The following KIAA0586 variants were observed in gnomAD, a reference collection of about 807,000 sequenced individuals.
The protein encoded by KIAA0586 is protein TALPID3.
KIAA0586 carries 144 observed loss-of-function variants against 169.8 expected under a neutral mutation model. The ratio of observed to expected loss-of-function variants is 0.85; its 90% CI spans 0.74 to 0.97. KIAA0586 has a LOEUF of 0.97. Among genes scored for constraint, KIAA0586 ranks in the 50% least tolerant of loss-of-function variants. KIAA0586 has a pLI of 0.00. For missense variants in KIAA0586, 1,854 were observed against 1,823.0 expected (o/e 1.02, Z -0.31); for synonymous variants, 625 against 612.4 (o/e 1.02, Z -0.30).
intron 22 of KIAA0586, 80 bp downstream of exon 22, chr14:58,487,246 A>T (rs2042520400): frequency 2.5e-6 from 3 of 1,186,846 alleles, no homozygotes; most frequent in Non-Finnish European, 3.5e-6. Context: ...CTTGTTGCTT[A>T]CTAGGTTTTA....
In KIAA0586 at chr14:58,442,891, C is replaced by T; in HGVS notation, c.585+11C>T. ...GCTCCGTTGATAAAGGTATATTTTT[C>T]TTCCCAGATAATCATAACTACTTTG... On this transcript the variant is annotated intron_variant, in intron 5 of 30. Transcript: ENST00000652326. 4 of 1,585,078 alleles carry T rather than the reference C, an allele frequency of 2.5e-6. No homozygotes were observed. The highest frequency in any genetic ancestry group is 3.4e-6 in the Non-Finnish European group (4 of 1,164,544).
At position 58,488,641 on chromosome 14, in the gene KIAA0586, A is replaced by G. The variant is rs1442943062; in HGVS notation, c.3548A>G (p.Asp1183Gly). 2 of 1,613,890 alleles carry G rather than the reference A, an allele frequency of 1.2e-6. No individual in the cohort carries two copies. Among genetic ancestry groups the G allele is most frequent in the African/African-American group, 2.7e-5 (2 of 75,022 alleles). Residue 1183 changes from aspartate (D) to glycine (G), a missense_variant, in exon 24 of 31, where the codon GAT becomes GGT. Transcript: ENST00000652326. Reference sequence around the variant, plus strand: ...CTTAGTGTAATGTCTGTGGCTAAGGATGAAGAACCAGAGAGTATGGATTTC... The same window carrying G: ...CTTAGTGTAATGTCTGTGGCTAAGGGTGAAGAACCAGAGAGTATGGATTTC... ...PRAIVMSVAKDEEPESMDFPA... is the reference protein window; with the variant it reads ...PRAIVMSVAKGEEPESMDFPA...
intron 8 of KIAA0586, among the ~76,000 whole-genome samples, chr14:58,452,846 T>A (rs1476221432): frequency 2.0e-5 from 3 of 148,686 alleles, no homozygotes; most frequent in African/African-American, 7.4e-5. Context: ...ATAGTTTTTA[T>A]GAGGTGTAAA....
intron 20 of KIAA0586, among the ~76,000 whole-genome samples, chr14:58,479,233 G>A (rs1003071230): frequency 6.6e-6 from 1 of 152,134 alleles, no homozygotes; most frequent in Non-Finnish European, 1.5e-5. Context: ...ATATGTGGAG[G>A]TATTTCCCTA....
intron 16 of KIAA0586, among the ~76,000 whole-genome samples, chr14:58,470,182 ATAAT>A (rs547770107): frequency 3.3e-5 from 5 of 152,232 alleles, no homozygotes; most frequent in African/African-American, 9.6e-5. Context: ...CAATTGAAAC[ATAAT>A]TAAATAATTA....
rs1017812736 is a variant in KIAA0586, at chr14:58,463,975, C to T, written c.2060-1860C>T. 1.3e-5 allele frequency: 6 copies of T among 448,404 alleles called. No homozygotes were observed. The East Asian group carries it at 3.5e-4, about 26-fold the overall frequency. 27.8% of individuals were successfully genotyped at this position (448,404 alleles called of 1,614,324 possible). ...CTGACCCCAAGACCTTGCAGGACCT[C>T]ACCTCGGTGGTGTAGACACCCCTGC... On this transcript the variant is annotated intron_variant, in intron 14 of 30. Transcript: ENST00000652326.
chr14:58,486,394 A>G (rs1239929283), intron 21 of KIAA0586, among the ~76,000 whole-genome samples: 1 of 152,070 alleles, frequency 6.6e-6, no homozygotes, highest in African/African-American at 2.4e-5. Flanking sequence ...TGCTGTTGTG[A>G]ATAGTGTGGC....
intron 4 of KIAA0586, among the ~76,000 whole-genome samples, chr14:58,435,868 C>T (rs541948807): frequency 5.3e-5 from 8 of 152,186 alleles, no homozygotes; most frequent in East Asian, 1.9e-4. Context: ...CCACCATGCC[C>T]GGCTGATTTT....
chr14:58,476,875 T>G (rs1164671826), intron 19 of KIAA0586, among the ~76,000 whole-genome samples: 2 of 152,070 alleles, frequency 1.3e-5, no homozygotes, highest in African/African-American at 2.4e-5. Context: ...GCCAGAATGG[T>G]CTTGAACTCC....
intron 20 of KIAA0586, among the ~76,000 whole-genome samples, chr14:58,477,822 G>A (rs2041761123): frequency 2.8e-5 from 4 of 140,846 alleles, no homozygotes; most frequent in Admixed American, 1.5e-4. Context: ...TTCTCTTCCC[G>A]ATTTTTTCTT....
intron 15 of KIAA0586, 28 bp downstream of exon 15, chr14:58,466,057 GATTTT>G (rs1224726119): frequency 2.1e-6 from 3 of 1,402,890 alleles, no homozygotes; most frequent in African/African-American, 1.4e-5. Flanking sequence ...ATGTGGGATG[GATTTT>G]ATTTTATTTA....
At chr14:58,472,637 G>C (rs1161555056) in intron 18 of KIAA0586, among the ~76,000 whole-genome samples, 1 of 151,440 alleles carries the variant, frequency 6.6e-6, no homozygotes, top group Non-Finnish European at 1.5e-5. Flanking sequence ...CTAGTTAATT[G>C]ATATTGAGAA....
chr14:58,554,571 C>G (rs960873700), downstream of KIAA0586, among the ~76,000 whole-genome samples: 3 of 152,170 alleles, frequency 2.0e-5, no homozygotes, highest in African/African-American at 7.2e-5. Context: ...GAGAGAAAAT[C>G]TGCATGAGCT....
intron 9 of KIAA0586, among the ~76,000 whole-genome samples, chr14:58,454,554 C>T (rs1197271194): frequency 6.6e-6 from 1 of 152,152 alleles, no homozygotes; most frequent in African/African-American, 2.4e-5. Context: ...TTATTCCACC[C>T]TGAAGGACTC....
At chr14:58,463,415 A>G (rs1346174958) in intron 14 of KIAA0586, among the ~76,000 whole-genome samples, 1 of 152,238 alleles carries the variant, frequency 6.6e-6, no homozygotes, top group African/African-American at 2.4e-5. Flanking sequence ...CTGAACAAAC[A>G]TTTTAAATAA....
intron 6 of KIAA0586, among the ~76,000 whole-genome samples, chr14:58,446,042 A>G (rs10150438): frequency 0.98 from 147,515 of 150,996 alleles, 72,147 homozygotes; most frequent in Non-Finnish European, 1. Context: ...CTAACTTTTT[A>G]TATTTTTAGT....
intron 6 of KIAA0586, among the ~76,000 whole-genome samples, chr14:58,444,700 C>T (rs952468034): frequency 1.3e-5 from 2 of 151,890 alleles, no homozygotes; most frequent in Admixed American, 1.3e-4. Flanking sequence ...CTAGAGTTAC[C>T]TGCGTGAGCT....
At chr14:58,459,168 A>C (rs2040121227) in intron 12 of KIAA0586, among the ~76,000 whole-genome samples, 1 of 152,194 alleles carries the variant, frequency 6.6e-6, no homozygotes, top group Non-Finnish European at 1.5e-5. Context: ...AGATGTGCTT[A>C]TATGCTACTT....
intron 9 of KIAA0586, among the ~76,000 whole-genome samples, chr14:58,456,114 G>C (rs1314078388): frequency 6.6e-6 from 1 of 152,118 alleles, no homozygotes; most frequent in African/African-American, 2.4e-5. Flanking sequence ...CACTATGAAT[G>C]AGACTTTTAG....
Sources: gnomAD v4.1 joint callset for allele counts (sites outside exome capture counted in the v4.1 genomes callset) on GRCh38, gnomAD v4.1.1 for gene constraint, MANE v1.5 for transcripts, NCBI Gene and HGNC (gene_info 2026-07-23, HGNC 2026-07-21) for gene names.